PIGG: variants seen among roughly 807,000 people sequenced by gnomAD.
The protein encoded by PIGG is phosphatidylinositol glycan anchor biosynthesis class G (EMM blood group).
A neutral mutation model predicts 83.2 loss-of-function variants in PIGG; 70 were observed. The ratio of observed to expected loss-of-function variants is 0.84; its 90% CI spans 0.69 to 1.03. The LOEUF is 1.03. Among genes scored for constraint, PIGG ranks in the 50% least tolerant of loss-of-function variants. The pLI is 0.00. For synonymous variants in PIGG, 532 were observed against 519.5 expected, an observed-to-expected ratio of 1.02 and a Z score of -0.33; for missense variants, 1,257 against 1,233.6, an observed-to-expected ratio of 1.02 and a Z score of -0.28.
Position 528,415 on chromosome 4 carries a change from C to T in PIGG, c.2261+1185C>T. The stretch of plus-strand genomic sequence containing the variant: ...GGTGACTGCTGAGGGCTGTGGCCAG[C>T]CTGAGGGGTGGCCGTGGGGCTCCGG... On this transcript the variant is annotated intron_variant, in intron 10 of 12. Coordinates refer to ENST00000453061, the MANE Select transcript of PIGG (RefSeq NM_001127178.3). The surrounding 1 kb of genome is among the most constrained non-coding windows in gnomAD (Gnocchi z 4.8). 1.0e-6 allele frequency: 1 copy of T among 985,308 alleles called. No homozygotes were observed. The highest frequency in any genetic ancestry group is 1.2e-6 in the Non-Finnish European group (1 of 829,854). 61.0% of individuals were successfully genotyped at this position (985,308 alleles called of 1,614,324 possible).
chr4:504,670 C>T (rs17721347), intron 2 of PIGG, among the ~76,000 whole-genome samples: 34,612 of 152,050 alleles, frequency 0.23, 4,204 homozygotes, highest in Middle Eastern at 0.32. Flanking sequence ...GCTGATGTTA[C>T]CCAGGTTCCC....
At position 507,491 on chromosome 4, in the gene PIGG, C is replaced by A. The variant is rs560670353; in HGVS notation, c.657C>A (p.Asp219Glu). 6.2e-7 allele frequency: 1 copy of A among 1,613,868 alleles called. No homozygotes were observed. Among genetic ancestry groups the A allele is most frequent in the Non-Finnish European group, 8.5e-7 (1 of 1,179,842 alleles). ...TAATCCTCCACTACCTGGGGCTGGA[C>A]CACATTGGCCACATTTCAGGGCCCA... ...DILILHYLGL[D>E]HIGHISGPNS... Residue 219 changes from aspartate to glutamate, a missense_variant, in exon 4 of 13, where the codon GAC becomes GAA. Coordinates refer to ENST00000453061, the MANE Select transcript of PIGG (RefSeq NM_001127178.3).
chr4:518,763 G>A (rs909463242), intron 6 of PIGG, among the ~76,000 whole-genome samples: 13 of 152,188 alleles, frequency 8.5e-5, no homozygotes, highest in East Asian at 1.9e-4. Flanking sequence ...CAGCCACAGC[G>A]TCTGGAACCC....
chr4:530,667 C>T lies in PIGG; in HGVS notation c.2493C>T (p.Ile831=), dbSNP rs1199269383. The T allele has an allele frequency of 1.9e-6, 3 of 1,613,410 alleles. No individual in the cohort carries two copies. Among genetic ancestry groups the T allele is most frequent in the Non-Finnish European group, 2.5e-6 (3 of 1,179,446 alleles). The change falls in exon 11 of 13, where the codon ATC becomes ATT. Residue 831 remains isoleucine, a synonymous_variant. Transcript: ENST00000453061. ...TTCAGACTCTAATGACTAAATTCAT[C>T]TGGAAGCCCCTGAGACACGATGCAG... is the stretch of plus-strand genomic sequence containing the variant. ...LLIQTLMTKF[I]WKPLRHDAAE... is the part of the protein sequence containing the mutation.
Position 528,858 on chromosome 4 carries a change from G to A in PIGG, c.2262-1578G>A. On this transcript the variant is annotated intron_variant, in intron 10 of 12. Transcript: ENST00000453061. The surrounding 1 kb of genome is among the most constrained non-coding windows in gnomAD (Gnocchi z 4.8). The stretch of plus-strand genomic sequence containing the variant: ...CTTTTCTTTCCACACGCACTGCCTG[G>A]TTCACCTTCTTCCTGTAAAGTGCCT... The A allele has an allele frequency of 8.7e-6, 3 of 343,698 alleles. No homozygotes were observed. The highest frequency in any genetic ancestry group is 1.2e-5 in the Non-Finnish European group (3 of 243,126). 21.3% of individuals were successfully genotyped at this position (343,698 alleles called of 1,614,324 possible).
At chr4:507,335 C>G in intron 3 of PIGG, 70 bp from the exon 4 acceptor site, 2 of 1,226,912 alleles carry the variant, frequency 1.6e-6, no homozygotes, top group Non-Finnish European at 2.3e-6. Flanking sequence ...ATGACTGTTG[C>G]GTTTTCCCCG....
intron 2 of PIGG, chr4:501,144 TC>T (rs1553875658): frequency 2.2e-6 from 1 of 456,300 alleles, no homozygotes; most frequent in Admixed American, 2.3e-5. Flanking sequence ...ATAGTGCATT[TC>T]CCAAGAACCG....
At chr4:534,084 C>A in intron 12 of PIGG, 103 bp downstream of exon 12, 3 of 946,880 alleles carry the variant, frequency 3.2e-6, no homozygotes, top group Non-Finnish European at 4.8e-6. Flanking sequence ...TCCATGGGTC[C>A]AACAGTCTTT....
intron 10 of PIGG, chr4:527,630 T>C (rs779511792): frequency 3.9e-5 from 39 of 995,318 alleles, no homozygotes; most frequent in South Asian, 4.6e-5. Context: ...GTGATGAGGA[T>C]GATGAGTGGA....
In PIGG at chr4:538,099, A is replaced by G. The variant is rs577571885; in HGVS notation, c.2736-1054A>G. Among the ~76,000 whole-genome samples, 65 of 152,012 alleles carry G rather than the reference A, an allele frequency of 4.3e-4. No homozygotes were observed. The South Asian group carries it at 0.013, about 30-fold the overall frequency. On this transcript the variant is annotated intron_variant, in intron 12 of 12. Transcript: ENST00000453061. Reference sequence around the variant, plus strand: ...CTGACAGGACCGAGGGGCCCTTTACAGGACATGCAGCGGGACCCACACACC... The same window carrying G: ...CTGACAGGACCGAGGGGCCCTTTACGGGACATGCAGCGGGACCCACACACC...
chr4:516,771 G>A (rs547664315), intron 6 of PIGG, among the ~76,000 whole-genome samples: 130 of 148,298 alleles, frequency 8.8e-4, no homozygotes, highest in Non-Finnish European at 1.5e-3. Context: ...CAGGAGAATC[G>A]CTTGAACCCT....
intron 5 of PIGG, among the ~76,000 whole-genome samples, chr4:509,658 C>T (rs1358837644): frequency 4.6e-5 from 7 of 152,246 alleles, no homozygotes; most frequent in Admixed American, 3.9e-4. Context: ...CTGCTGGTCC[C>T]GTAGCTTCTG....
intron 12 of PIGG, among the ~76,000 whole-genome samples, chr4:537,521 C>G (rs1427063886): frequency 6.6e-6 from 1 of 152,168 alleles, no homozygotes; most frequent in East Asian, 1.9e-4. Context: ...TTGCTGTCAC[C>G]AGGAGGTGTA....
chr4:509,940 C>T (rs1177588002), intron 5 of PIGG, among the ~76,000 whole-genome samples: 5 of 152,188 alleles, frequency 3.3e-5, no homozygotes, highest in African/African-American at 9.7e-5. Context: ...CATGTAACAT[C>T]TGCCTCCACA....
chr4:519,050 T>C (rs975373482), intron 6 of PIGG, among the ~76,000 whole-genome samples: 1 of 152,166 alleles, frequency 6.6e-6, no homozygotes, highest in Non-Finnish European at 1.5e-5. Flanking sequence ...ACCGTTTACA[T>C]TTCAGCGTAA....
intron 5 of PIGG, among the ~76,000 whole-genome samples, chr4:511,320 A>C (rs1225784007): frequency 6.7e-6 from 1 of 150,270 alleles, no homozygotes; most frequent in African/African-American, 2.5e-5. Context: ...AAAAAAAAGA[A>C]GACTTCATTT....
In PIGG at chr4:505,825, A is replaced by G; in HGVS notation, c.468A>G (p.Lys156=). 6.2e-7 allele frequency: 1 copy of G among 1,613,586 alleles called. No homozygotes were observed. The highest frequency in any genetic ancestry group is 8.5e-7 in the Non-Finnish European group (1 of 1,179,846). Residue 156 remains lysine, a synonymous_variant, in exon 3 of 13, where the codon AAA becomes AAG. Coordinates refer to ENST00000453061, the MANE Select transcript of PIGG (RefSeq NM_001127178.3). The part of the protein sequence containing the change: ...SVIRQAKAAG[K]RIVFYGDETW... ...TAAGACAAGCAAAAGCAGCTGGAAA[A>G]AGAATAGTCTTTTATGGAGATGAAA... is the stretch of plus-strand genomic sequence containing the variant.
Position 527,109 on chromosome 4 carries a change from A to C in PIGG, c.2140A>C (p.Arg714=), listed in dbSNP as rs745497751. 1 of 1,614,032 alleles carries C rather than the reference A, an allele frequency of 6.2e-7. No homozygotes were observed. Among genetic ancestry groups the C allele is most frequent in the Non-Finnish European group, 8.5e-7 (1 of 1,179,982 alleles). Residue 714 remains arginine, a synonymous_variant, in exon 10 of 13, where the codon AGG becomes CGG. Transcript: ENST00000453061. ...SLLVVFVLVQ[R]GCSPVSKAAL... ...CCTCGTAGTTTTTGTGCTGGTGCAG[A>C]GGGGGTGCTCCCCTGTGTCCAAGGC...
At chr4:503,186 C>G (rs1283214377) in intron 2 of PIGG, among the ~76,000 whole-genome samples, 5 of 152,174 alleles carry the variant, frequency 3.3e-5, no homozygotes, top group Non-Finnish European at 7.4e-5. Flanking sequence ...TACAGGTTGA[C>G]TGAGCTGGTA....
Sources: gnomAD v4.1 joint callset for allele counts (sites outside exome capture counted in the v4.1 genomes callset) on GRCh38, gnomAD v4.1.1 for gene constraint, Gnocchi (gnomAD v3.1) non-coding constraint, MANE v1.5 for transcripts, NCBI Gene and HGNC (gene_info 2026-07-23, HGNC 2026-07-21) for gene names.